Variants in CLCN7 observed in about 807,000 individuals in gnomAD.
The protein encoded by CLCN7 is Cl-/H+ antiporter 7.
A neutral mutation model predicts 102.1 loss-of-function variants in CLCN7; 60 were observed. The ratio of observed to expected loss-of-function variants is 0.59; its 90% CI spans 0.48 to 0.73. The LOEUF is 0.73. Ranked by LOEUF, CLCN7 falls within the 30% of genes least tolerant of loss-of-function variation. The pLI is 0.00. For missense variants in CLCN7, 962 were observed against 1,125.7 expected (o/e 0.85, Z 2.08); for synonymous variants, 560 against 490.5 (o/e 1.14, Z -1.87).
intron 1 of CLCN7, chr16:1,472,752 T>A (rs1290974432): frequency 4.0e-5 from 6 of 151,092 alleles, no homozygotes; most frequent in African/African-American, 1.5e-4. Context: ...AAATTTTTTT[T>A]AAATTTTTTG....
chr16:1,455,123 G>C lies in CLCN7; in HGVS notation c.1098+11C>G, dbSNP rs202234120. The C allele has an allele frequency of 4.2e-5, 63 of 1,497,248 alleles. No individual in the cohort carries two copies. The African/African-American group carries it at 8.3e-4, about 20-fold the overall frequency. The allele number at this position is 1,497,248 out of a possible 1,614,324, so 92.7% of individuals were successfully genotyped here. On this transcript the variant is annotated intron_variant, in intron 12 of 24. Coordinates refer to ENST00000382745, the MANE Select transcript of CLCN7 (RefSeq NM_001287.6). ...TACGAGGTGGGCGAGGTGGGCGATGGGGCAGGTTACCTCCGAGTCAAACCT... is the reference window on the plus strand; with the variant it reads ...TACGAGGTGGGCGAGGTGGGCGATGCGGCAGGTTACCTCCGAGTCAAACCT...
At chr16:1,455,904 T>C (rs540497564) in intron 10 of CLCN7, 109 bp from the exon 11 acceptor site, 1 of 1,272,056 alleles carries the variant, frequency 7.9e-7, no homozygotes, top group Non-Finnish European at 1.1e-6. Flanking sequence ...AGAAAGAAGC[T>C]AATGGGGTGG....
chr16:1,459,223 C>T, intron 6 of CLCN7, 36 bp from the exon 7 acceptor site: 1 of 1,557,518 alleles, frequency 6.4e-7, no homozygotes, highest in Non-Finnish European at 8.8e-7. Context: ...TGGGTCACGG[C>T]CAGGCTGAGA....
In CLCN7 at chr16:1,457,775, C is replaced by T; in HGVS notation, c.676-19G>A. The stretch of plus-strand genomic sequence containing the variant: ...CCAACGTCTGAAACACAGGGAGACG[C>T]ATGGCCTCTGATGAAAAGGCAGGCG... On this transcript the variant is annotated intron_variant, in intron 7 of 24. Coordinates refer to ENST00000382745, the MANE Select transcript of CLCN7 (RefSeq NM_001287.6). This position sits in a 1 kb window ranked among gnomAD's most constrained non-coding sequence, Gnocchi z 5.4. 6.2e-7 allele frequency: 1 copy of T among 1,612,236 alleles called. No individual in the cohort carries two copies. The highest frequency in any genetic ancestry group is 8.5e-7 in the Non-Finnish European group (1 of 1,178,582).
intron 21 of CLCN7, among the ~76,000 whole-genome samples, chr16:1,448,091 T>G (rs2038682114): frequency 1.3e-5 from 2 of 152,194 alleles, no homozygotes; most frequent in South Asian, 4.1e-4. Context: ...CAGGGCCTCC[T>G]GACAAAGTCA....
In CLCN7 at chr16:1,454,423, T is replaced by G; in HGVS notation, c.1141A>C (p.Met381Leu). Reference protein sequence around the residue: ...TIHEIPVFIAMGVVGGVLGAV... With the variant: ...TIHEIPVFIALGVVGGVLGAV... Reference sequence around the variant, plus strand: ...GAGAAGCCCTTACCCACCACGCCCATGGCGATGAAGACCGGGATCTCGTGG... The same window carrying G: ...GAGAAGCCCTTACCCACCACGCCCAGGGCGATGAAGACCGGGATCTCGTGG... Residue 381 changes from methionine to leucine, a missense_variant, in exon 13 of 25, where the codon ATG (methionine) becomes CTG (leucine). Met to Leu is a conservative substitution (Grantham distance 15, BLOSUM62 2). Around this residue, in one of 2 missense-constraint regions of CLCN7, gnomAD observed 799 missense variants for 988.0 expected, o/e 0.81. Transcript: ENST00000382745. The G allele has an allele frequency of 1.2e-6, 2 of 1,613,572 alleles. No homozygotes were observed. Among genetic ancestry groups the G allele is most frequent in the Non-Finnish European group, 1.7e-6 (2 of 1,179,978 alleles).
At position 1,457,163 on chromosome 16, in the gene CLCN7, T is replaced by C. The variant is rs553575903; in HGVS notation, c.822+91A>G. 2.5e-6 allele frequency: 3 copies of C among 1,221,132 alleles called. No individual in the cohort carries two copies. The highest frequency in any genetic ancestry group is 3.6e-6 in the Non-Finnish European group (3 of 825,286). The allele number at this position is 1,221,132 out of a possible 1,614,324, so 75.6% of individuals were successfully genotyped here. On this transcript the variant is annotated intron_variant, in intron 9 of 24. Coordinates refer to ENST00000382745, the MANE Select transcript of CLCN7 (RefSeq NM_001287.6). The surrounding 1 kb of genome is among the most constrained non-coding windows in gnomAD (Gnocchi z 5.4). ...TCAGATGGGGCTGGGGCTCTCGGCC[T>C]GGGGGTGCTGAGGGAAGCCCATCTC...
chr16:1,448,987 G>A lies in CLCN7; in HGVS notation c.1776C>T (p.Ile592=), dbSNP rs751747589. ...PIMLVLMTAK[I]VGDVFIEGLY... is the part of the protein sequence containing the mutation. ...GCACCTCAATGAAGACGTCGCCCAC[G>A]ATCTTGGCGGTCATGAGCACCAGCA... The change falls in exon 19 of 25, where the codon ATC becomes ATT. Residue 592 remains isoleucine (I), a synonymous_variant. Transcript: ENST00000382745. 1.4e-5 allele frequency: 23 copies of A among 1,612,586 alleles called. No individual in the cohort carries two copies. The East Asian group carries it at 2.5e-4, about 17-fold the overall frequency.
chr16:1,448,183 T>G, intron 21 of CLCN7, 172 bp downstream of exon 21: 1 of 914,216 alleles, frequency 1.1e-6, no homozygotes, highest in Non-Finnish European at 1.7e-6. Context: ...CCCACCAGCC[T>G]CAGCGTCCAC....
At chr16:1,473,178 C>T (rs1193317714) in intron 1 of CLCN7, among the ~76,000 whole-genome samples, 1 of 151,972 alleles carries the variant, frequency 6.6e-6, no homozygotes, top group Non-Finnish European at 1.5e-5. Flanking sequence ...TTCAAATTAA[C>T]CCCTTCAGAT....
At chr16:1,465,941 G>A (rs574087986) in intron 1 of CLCN7, among the ~76,000 whole-genome samples, 16 of 152,336 alleles carry the variant, frequency 1.1e-4, no homozygotes, top group Admixed American at 8.5e-4. Context: ...TGTGACTTAC[G>A]GAGCTCCCAC....
chr16:1,471,338 T>C (rs1225226210), intron 1 of CLCN7, among the ~76,000 whole-genome samples: 1 of 152,174 alleles, frequency 6.6e-6, no homozygotes, highest in Admixed American at 6.5e-5. Context: ...AGTTCTCATG[T>C]TCACTGGAAC....
chr16:1,447,309 G>A (rs1206585477), intron 23 of CLCN7, 83 bp downstream of exon 23: 18 of 1,293,984 alleles, frequency 1.4e-5, no homozygotes, highest in African/African-American at 3.0e-5. Context: ...GGCCCCCCCC[G>A]GCTGCCCCTC....
chr16:1,473,277 T>C (rs1045696802), intron 1 of CLCN7, among the ~76,000 whole-genome samples: 1 of 152,046 alleles, frequency 6.6e-6, no homozygotes. Context: ...AAAGGCAGAC[T>C]ATGACCTTCT....
At chr16:1,449,242 G>T (rs1261273316) in intron 18 of CLCN7, 34 bp downstream of exon 18, 3 of 1,572,402 alleles carry the variant, frequency 1.9e-6, no homozygotes, top group Non-Finnish European at 2.6e-6. Flanking sequence ...ACCCCGTGGA[G>T]CTCCCCACCC....
At position 1,450,577 on chromosome 16, in the gene CLCN7, C is replaced by G; in HGVS notation, c.1537G>C (p.Val513Leu). ...WTYGLTVSAGVFIPSLLIGAA... is the reference protein window; with the variant it reads ...WTYGLTVSAGLFIPSLLIGAA... Reference sequence around the variant, plus strand: ...CCGATGAGCAGGGACGGGATGAAGACCCCGGCAGACACCGTGAGCCCGTAG... The same window carrying G: ...CCGATGAGCAGGGACGGGATGAAGAGCCCGGCAGACACCGTGAGCCCGTAG... The change falls in exon 17 of 25, where the codon GTC becomes CTC. Residue 513 changes from valine (V) to leucine (L), a missense_variant. Val to Leu is a conservative substitution (Grantham distance 32, BLOSUM62 1). Coordinates refer to ENST00000382745, the MANE Select transcript of CLCN7 (RefSeq NM_001287.6). 1 of 1,612,302 alleles carries G rather than the reference C, an allele frequency of 6.2e-7. No homozygotes were observed. The highest frequency in any genetic ancestry group is 8.5e-7 in the Non-Finnish European group (1 of 1,179,708).
intron 15 of CLCN7, 102 bp downstream of exon 15, chr16:1,452,653 C>A: frequency 1.6e-6 from 2 of 1,289,502 alleles, no homozygotes; most frequent in East Asian, 2.5e-5. Context: ...TTCTGGAACT[C>A]GGCGGGGTGG....
In CLCN7 at chr16:1,455,176, C is replaced by G; in HGVS notation, c.1056G>C (p.Leu352=). ...CGAAGTTGATGAGGCCTGGGCTGGACAGGTCCCACATGTTCCCGTGGTAAA... is the reference window on the plus strand; with the variant it reads ...CGAAGTTGATGAGGCCTGGGCTGGAGAGGTCCCACATGTTCCCGTGGTAAA... The part of the protein sequence containing the change: ...LSIYHGNMWD[L]SSPGLINFGR... Residue 352 remains leucine, a synonymous_variant, in exon 12 of 25, where the codon CTG becomes CTC. Coordinates refer to ENST00000382745, the MANE Select transcript of CLCN7 (RefSeq NM_001287.6). The G allele has an allele frequency of 6.2e-7, 1 of 1,613,844 alleles. No homozygotes were observed. The highest frequency in any genetic ancestry group is 8.5e-7 in the Non-Finnish European group (1 of 1,179,800).
chr16:1,451,887 G>A (rs2038757546), intron 15 of CLCN7, 171 bp from the exon 16 acceptor site: 2 of 641,466 alleles, frequency 3.1e-6, no homozygotes, highest in Non-Finnish European at 5.7e-6. Context: ...GGGCAAGGAG[G>A]ACACACAAGG....
Sources: allele counts gnomAD v4.1 joint callset (sites outside exome capture counted in the v4.1 genomes callset), GRCh38; gene constraint gnomAD v4.1.1; regional missense constraint gnomAD v4.1.1; non-coding constraint Gnocchi (gnomAD v3.1); transcripts MANE v1.5; gene names NCBI Gene and HGNC (gene_info 2026-07-23, HGNC 2026-07-21).